EFL1: variants seen among roughly 807,000 people sequenced by gnomAD.
EFL1 encodes elongation factor-like GTPase 1.
Under a neutral mutation model 126.7 loss-of-function variants are expected in EFL1, and 76 were observed. That is an observed-to-expected ratio of 0.60 (90% CI 0.50 to 0.73). EFL1 has a LOEUF of 0.73. EFL1 is among the 30% of genes least tolerant of loss of function. EFL1 has a pLI of 0.00. For missense variants in EFL1, 1,128 were observed against 1,343.2 expected (o/e 0.84, Z 2.50); for synonymous variants, 410 against 448.4 (o/e 0.91, Z 1.08).
At chr15:82,170,720 G>A (rs2074126949) in intron 15 of EFL1, among the ~76,000 whole-genome samples, 2 of 152,106 alleles carry the variant, frequency 1.3e-5, no homozygotes, top group Non-Finnish European at 2.9e-5. Flanking sequence ...TAATTTTTTT[G>A]TATATATTGT....
chr15:82,184,016 C>T lies in EFL1; in HGVS notation c.1751-20032G>A, dbSNP rs908399579. Among the ~76,000 whole-genome samples the T allele has an allele frequency of 6.6e-5, 10 of 152,132 alleles. No individual in the cohort carries two copies. In the South Asian group the frequency reaches 2.1e-3, roughly 32 times the overall value. Reference sequence around the variant, plus strand: ...TCTACGGGGCTTCAGAACTCTGGGACCTCAGAGGTGGGTAAAGATGTGAAT... The same window carrying T: ...TCTACGGGGCTTCAGAACTCTGGGATCTCAGAGGTGGGTAAAGATGTGAAT... On this transcript the variant is annotated intron_variant, in intron 15 of 19. Transcript: ENST00000268206.
At chr15:82,184,988 T>A (rs559797633) in intron 15 of EFL1, among the ~76,000 whole-genome samples, 20 of 152,334 alleles carry the variant, frequency 1.3e-4, no homozygotes, top group African/African-American at 4.8e-4. Flanking sequence ...CAGACTGTGC[T>A]AACATGAAGC....
intron 15 of EFL1, among the ~76,000 whole-genome samples, chr15:82,180,766 A>G (rs1336969597): frequency 1.3e-5 from 2 of 151,168 alleles, no homozygotes; most frequent in African/African-American, 4.9e-5. Context: ...TTTTTTTTTA[A>G]GACAGGCTGG....
intron 1 of EFL1, 130 bp from the exon 2 acceptor site, chr15:82,261,927 T>C (rs2075125502): frequency 1.6e-6 from 1 of 631,240 alleles, no homozygotes; most frequent in Non-Finnish European, 2.7e-6. Flanking sequence ...TGAATGTTTA[T>C]TGATGAGATA....
At position 82,178,532 on chromosome 15, in the gene EFL1, G is replaced by T. The variant is rs1033008792; in HGVS notation, c.1751-14548C>A. Among the ~76,000 whole-genome samples, 84 of 152,188 alleles carry T rather than the reference G, an allele frequency of 5.5e-4. 3 individuals carry two copies. Among genetic ancestry groups the T allele is most frequent in the Non-Finnish European group, 1.5e-5 (1 of 68,030 alleles). ...TGTGGTGACCCAATGTCTTACAGAGGTCAGTTCTTCAGGTTTTACTCTTGC... is the reference window on the plus strand; with the variant it reads ...TGTGGTGACCCAATGTCTTACAGAGTTCAGTTCTTCAGGTTTTACTCTTGC... On this transcript the variant is annotated intron_variant, in intron 15 of 19. Transcript: ENST00000268206.
At chr15:82,138,194 G>A (rs951699922) in intron 19 of EFL1, among the ~76,000 whole-genome samples, 7 of 152,086 alleles carry the variant, frequency 4.6e-5, no homozygotes, top group Non-Finnish European at 1.0e-4. Flanking sequence ...AGAATATACA[G>A]TACATAATAA....
chr15:82,222,211 A>G (rs2074719123), intron 12 of EFL1, among the ~76,000 whole-genome samples: 1 of 152,180 alleles, frequency 6.6e-6, no homozygotes, highest in Non-Finnish European at 1.5e-5. Context: ...ATAATTTATC[A>G]CAACAATTAA....
Position 82,151,748 on chromosome 15 carries a change from A to G in EFL1, c.2706T>C (p.Phe902=). Residue 902 remains phenylalanine, a synonymous_variant, in exon 18 of 20, where the codon TTT becomes TTC. Transcript: ENST00000268206. The part of the protein sequence containing the change: ...FVLEKWDLSK[F]EEQGASDLAK... ...CCAGATCACTTGCTCCTTGTTCCTC[A>G]AATTTACTTAGGTCCCATTTTTCCA... is the stretch of plus-strand genomic sequence containing the variant. 6.2e-7 allele frequency: 1 copy of G among 1,614,012 alleles called. No homozygotes were observed. The highest frequency in any genetic ancestry group is 8.5e-7 in the Non-Finnish European group (1 of 1,180,008).
chr15:82,167,584 C>CT (rs1464436944), intron 15 of EFL1, among the ~76,000 whole-genome samples: 2 of 151,868 alleles, frequency 1.3e-5, no homozygotes, highest in Admixed American at 1.3e-4. Flanking sequence ...CTGTTGAAAA[C>CT]TTTTTTACTA....
rs1020902558 is a variant in EFL1, at chr15:82,146,853, C to A, written c.2989+4612G>T. On this transcript the variant is annotated intron_variant, in intron 18 of 19. Coordinates refer to ENST00000268206, the MANE Select transcript of EFL1 (RefSeq NM_024580.6). ...CCTGGGTGAGGAAAGTCAAAATGAT[C>A]CTTTGCTCCAGAGAGAGGTGACAAA... Among the ~76,000 whole-genome samples, 24 of 152,036 alleles carry A rather than the reference C, an allele frequency of 1.6e-4. 1 individual carries two copies.
At chr15:82,172,929 G>A (rs2074152003) in intron 15 of EFL1, among the ~76,000 whole-genome samples, 2 of 152,090 alleles carry the variant, frequency 1.3e-5, no homozygotes, top group Admixed American at 6.6e-5. Flanking sequence ...AAATTATGCA[G>A]GCAGGCAGAT....
chr15:82,158,627 G>A (rs926465420), intron 16 of EFL1, among the ~76,000 whole-genome samples: 1 of 152,132 alleles, frequency 6.6e-6, no homozygotes, highest in Non-Finnish European at 1.5e-5. Context: ...TTGAAGAAAA[G>A]ACTTAGCAAT....
At chr15:82,165,363 T>G (rs1399887046) in intron 15 of EFL1, among the ~76,000 whole-genome samples, 1 of 152,176 alleles carries the variant, frequency 6.6e-6, no homozygotes, top group Non-Finnish European at 1.5e-5. Context: ...AAAATCACTT[T>G]GCTGTCCTTA....
At chr15:82,132,076 A>G (rs929199905) in intron 19 of EFL1, among the ~76,000 whole-genome samples, 1 of 152,214 alleles carries the variant, frequency 6.6e-6, no homozygotes, top group African/African-American at 2.4e-5. Flanking sequence ...CCCTTGTGAC[A>G]GTGTTGAAAT....
At chr15:82,208,784 G>A (rs1234698373) in intron 15 of EFL1, among the ~76,000 whole-genome samples, 3 of 151,290 alleles carry the variant, frequency 2.0e-5, no homozygotes, top group African/African-American at 7.3e-5. Flanking sequence ...ATCCATTCCC[G>A]ATTATTAAAA....
intron 19 of EFL1, 113 bp downstream of exon 19, chr15:82,138,527 TCCATTTGACTGAGTTGAG>T (rs1369651945): frequency 5.1e-5 from 52 of 1,019,650 alleles, no homozygotes; most frequent in Non-Finnish European, 7.0e-5. Context: ...CTTTCTCCTG[TCCATTTGACTGAGTTGAG>T]CCATAGGAAG....
chr15:82,234,271 G>A (rs1324191754), intron 7 of EFL1, among the ~76,000 whole-genome samples: 1 of 152,124 alleles, frequency 6.6e-6, no homozygotes, highest in African/African-American at 2.4e-5. Flanking sequence ...CAACAAGTAC[G>A]ACCGTATTAT....
chr15:82,148,075 G>A (rs1229677264), intron 18 of EFL1, among the ~76,000 whole-genome samples: 2 of 151,918 alleles, frequency 1.3e-5, no homozygotes, highest in Admixed American at 6.6e-5. Flanking sequence ...TACTGTTTGA[G>A]CATCCCAAAT....
intron 6 of EFL1, 61 bp from the exon 7 acceptor site, chr15:82,238,582 G>A (rs2074898356): frequency 7.2e-7 from 1 of 1,383,212 alleles, no homozygotes; most frequent in South Asian, 1.3e-5. Context: ...CACGGCAGGA[G>A]AAACACTGTT....
Sources: allele counts gnomAD v4.1 joint callset (sites outside exome capture counted in the v4.1 genomes callset), GRCh38; gene constraint gnomAD v4.1.1; transcripts MANE v1.5; gene names NCBI Gene and HGNC (gene_info 2026-07-23, HGNC 2026-07-21).